Variants in CPLX2 observed in about 807,000 individuals in gnomAD.
CPLX2 encodes complexin 2, also known as complexin-2.
In CPLX2, 5 loss-of-function variants were observed where a neutral mutation model predicts 16.3. That is an observed-to-expected ratio of 0.31 (90% CI 0.16 to 0.64). The LOEUF is 0.64. Among genes scored for constraint, CPLX2 ranks in the 30% least tolerant of loss-of-function variants. The probability of loss-of-function intolerance (pLI) is 0.79; values close to 1 mark genes in which losing one functional copy is unlikely to be tolerated. For synonymous variants in CPLX2, 89 were observed against 73.2 expected (o/e 1.22, Z -1.10); for missense variants, 144 against 181.4 (o/e 0.79, Z 1.18).
At chr5:175,837,280 C>G (rs1459194523) in intron 2 of CPLX2, among the ~76,000 whole-genome samples, 2 of 152,208 alleles carry the variant, frequency 1.3e-5, no homozygotes, top group East Asian at 3.9e-4. Context: ...CACGGCTCCC[C>G]GCAGCAGGCA....
chr5:175,855,968 T>C (rs1469205839), intron 2 of CPLX2, among the ~76,000 whole-genome samples: 1 of 152,110 alleles, frequency 6.6e-6, no homozygotes, highest in African/African-American at 2.4e-5. Flanking sequence ...AGGATGACCA[T>C]GGACAGTGCA....
chr5:175,850,528 T>C (rs937666896), intron 2 of CPLX2, among the ~76,000 whole-genome samples: 3 of 152,196 alleles, frequency 2.0e-5, no homozygotes, highest in Non-Finnish European at 4.4e-5. Context: ...GAACACCCCC[T>C]TGATGTTCCA....
At chr5:175,812,879 A>G (rs1450967778) in intron 2 of CPLX2, among the ~76,000 whole-genome samples, 2 of 152,222 alleles carry the variant, frequency 1.3e-5, no homozygotes, top group Non-Finnish European at 2.9e-5. Context: ...TTTTACTTTT[A>G]AAGGGTTCTT....
intron 2 of CPLX2, among the ~76,000 whole-genome samples, chr5:175,819,919 A>C (rs934364285): frequency 5.9e-5 from 9 of 152,234 alleles, no homozygotes; most frequent in African/African-American, 2.2e-4. Flanking sequence ...GAAGGTGAAG[A>C]AGCAGCTACA....
At chr5:175,813,067 A>C (rs907313446) in intron 2 of CPLX2, among the ~76,000 whole-genome samples, 2 of 152,174 alleles carry the variant, frequency 1.3e-5, no homozygotes, top group African/African-American at 4.8e-5. Context: ...GTATGAGCAC[A>C]GCTAAGCGGC....
Position 175,878,785 on chromosome 5 carries a change from C to G in CPLX2, c.31+15C>G. 6.2e-7 allele frequency: 1 copy of G among 1,612,874 alleles called. No individual in the cohort carries two copies. Among genetic ancestry groups the G allele is most frequent in the Non-Finnish European group, 8.5e-7 (1 of 1,179,692 alleles). ...GGCCCTTGGAGGTGAGGTCCAGCGC[C>G]CCTCCGCGTGTCCTCAGCCGGTCCC... On this transcript the variant is annotated intron_variant, in intron 2 of 3. Coordinates refer to ENST00000393745, the MANE Select transcript of CPLX2 (RefSeq NM_001008220.2).
chr5:175,879,000 C>A lies in CPLX2; in HGVS notation c.124C>A (p.Arg42=), dbSNP rs770667199. Reference sequence around the variant, plus strand: ...GGAGGAGGAGCGGCAGGAGGCGCTGCGGCAGCAGGAGGAGGAGCGTAAGGC... The same window carrying A: ...GGAGGAGGAGCGGCAGGAGGCGCTGAGGCAGCAGGAGGAGGAGCGTAAGGC... ...KKEEERQEAL[R]QQEEERKAKH... is the part of the protein sequence containing the mutation. Residue 42 remains arginine, a synonymous_variant, in exon 3 of 4, where the codon CGG becomes AGG. Coordinates refer to ENST00000393745, the MANE Select transcript of CPLX2 (RefSeq NM_001008220.2). 2 of 1,597,956 alleles carry A rather than the reference C, an allele frequency of 1.3e-6. No homozygotes were observed. The highest frequency in any genetic ancestry group is 1.7e-6 in the Non-Finnish European group (2 of 1,172,802).
chr5:175,846,770 G>C (rs911819698), intron 2 of CPLX2, among the ~76,000 whole-genome samples: 1 of 152,100 alleles, frequency 6.6e-6, no homozygotes, highest in Admixed American at 6.5e-5. Flanking sequence ...CTGGACTTCT[G>C]TCTTCTCTGT....
chr5:175,870,396 C>A (rs150484301), upstream of CPLX2, among the ~76,000 whole-genome samples: 1 of 152,278 alleles, frequency 6.6e-6, no homozygotes, highest in Non-Finnish European at 1.5e-5. Context: ...CACATTTCTG[C>A]AGCTCTTGTT....
At position 175,878,702 on chromosome 5, in the gene CPLX2, C is replaced by A; in HGVS notation, c.-38C>A. 6.2e-7 allele frequency: 1 copy of A among 1,609,872 alleles called. No homozygotes were observed. The highest frequency in any genetic ancestry group is 8.5e-7 in the Non-Finnish European group (1 of 1,178,546). ...CAGCCAGGAGCGCTGCATGCAAATTCTGCCGTGGGCTAAGGCACGCTAACC... is the reference window on the plus strand; with the variant it reads ...CAGCCAGGAGCGCTGCATGCAAATTATGCCGTGGGCTAAGGCACGCTAACC... On this transcript the variant is annotated 5_prime_UTR_variant, in exon 2 of 4. It adds an upstream start codon to the 5' untranslated region. Transcript: ENST00000393745.
intron 2 of CPLX2, among the ~76,000 whole-genome samples, chr5:175,818,541 G>A (rs1232177798): frequency 1.3e-5 from 2 of 150,254 alleles, no homozygotes; most frequent in Admixed American, 6.6e-5. Flanking sequence ...AAGTGAACAC[G>A]CCCACGTAAC....
chr5:175,814,873 G>C (rs1758377872), intron 2 of CPLX2, among the ~76,000 whole-genome samples: 1 of 152,176 alleles, frequency 6.6e-6, no homozygotes, highest in African/African-American at 2.4e-5. Flanking sequence ...ACAGCCCCAG[G>C]AGGGAGACAG....
At chr5:175,847,271 C>T (rs1270393434) in intron 2 of CPLX2, among the ~76,000 whole-genome samples, 4 of 152,154 alleles carry the variant, frequency 2.6e-5, no homozygotes, top group African/African-American at 9.7e-5. Flanking sequence ...GGAGTGCGAG[C>T]GGCGCCCATG....
intron 1 of CPLX2, among the ~76,000 whole-genome samples, chr5:175,800,938 A>C (rs1007586503): frequency 6.6e-6 from 1 of 152,172 alleles, no homozygotes; most frequent in African/African-American, 2.4e-5. Flanking sequence ...GTGGGGCAGC[A>C]CACTCCAGGC....
chr5:175,834,316 T>C (rs1462291876), intron 2 of CPLX2, among the ~76,000 whole-genome samples: 1 of 151,804 alleles, frequency 6.6e-6, no homozygotes, highest in Non-Finnish European at 1.5e-5. Context: ...CAGGTACTAC[T>C]GCTGTGACCC....
At chr5:175,867,245 GACACACTCCTGGCTGCACAC>G (rs921692049), upstream of CPLX2, among the ~76,000 whole-genome samples, 21 of 152,142 alleles carry the variant, frequency 1.4e-4, no homozygotes, top group African/African-American at 4.8e-4. Context: ...CAGTGGTAAT[GACACACTCCTGGCTGCACAC>G]ACACACCCTT....
In CPLX2 at chr5:175,879,183, C is replaced by T. The variant is rs904993752; in HGVS notation, c.207+100C>T. 3.1e-6 allele frequency: 4 copies of T among 1,276,068 alleles called. No homozygotes were observed. The African/African-American group carries it at 6.0e-5, about 19-fold the overall frequency. The allele number at this position is 1,276,068 out of a possible 1,614,324, so 79.0% of individuals were successfully genotyped here. ...GGGCTCCCCTGGATCCCAGCTCTCA[C>T]CTTCGCCCTAGTTCTGAGCCTCACT... On this transcript the variant is annotated intron_variant, in intron 3 of 3. Coordinates refer to ENST00000393745, the MANE Select transcript of CPLX2 (RefSeq NM_001008220.2).
chr5:175,826,148 G>A (rs975793413), intron 2 of CPLX2, among the ~76,000 whole-genome samples: 1 of 152,084 alleles, frequency 6.6e-6, no homozygotes, highest in Non-Finnish European at 1.5e-5. Flanking sequence ...GAAGGGCACT[G>A]CAAGAACCCA....
chr5:175,847,258 G>T lies in CPLX2; in HGVS notation c.-88-31394G>T, dbSNP rs1759060407. Among the ~76,000 whole-genome samples, 4 of 152,294 alleles carry T rather than the reference G, an allele frequency of 2.6e-5. No individual in the cohort carries two copies. In the South Asian group the frequency reaches 8.3e-4, roughly 32 times the overall value. The stretch of plus-strand genomic sequence containing the variant: ...CCAGGTTGAGTTGGAGGAGCCGCGT[G>T]GGGGAGTGCGAGCGGCGCCCATGCC... On this transcript the variant is annotated intron_variant, in intron 2 of 4. Transcript: ENST00000359546.
Sources: gnomAD v4.1 joint callset for allele counts (sites outside exome capture counted in the v4.1 genomes callset) on GRCh38, gnomAD v4.1.1 for gene constraint, MANE v1.5 for transcripts, NCBI Gene and HGNC (gene_info 2026-07-23, HGNC 2026-07-21) for gene names.